Variants in MEGF11 observed in about 807,000 individuals in gnomAD.
MEGF11 encodes the protein multiple EGF like domains 11, also known as multiple epidermal growth factor-like domains protein 11.
A neutral mutation model predicts 146.6 loss-of-function variants in MEGF11; 126 were observed. That is an observed-to-expected ratio of 0.86 (90% CI 0.74 to 1.00). MEGF11 has a LOEUF of 1.00. MEGF11 is among the 50% of genes least tolerant of loss of function. The pLI, the probability that MEGF11 is intolerant of heterozygous loss-of-function variation, is 0.00. For synonymous variants in MEGF11, 532 were observed against 583.4 expected, an observed-to-expected ratio of 0.91 and a Z score of 1.27; for missense variants, 1,509 against 1,521.2, an observed-to-expected ratio of 0.99 and a Z score of 0.13.
intron 24 of MEGF11, 148 bp from the exon 25 acceptor site, chr15:65,899,082 G>A (rs1342342627): frequency 7.1e-5 from 51 of 716,920 alleles, no homozygotes; most frequent in Non-Finnish European, 4.5e-5. Context: ...CTTATTAAAT[G>A]TGCTGAGAAG....
At chr15:66,186,000 G>A (rs1230599100) in intron 1 of MEGF11, among the ~76,000 whole-genome samples, 10 of 152,120 alleles carry the variant, frequency 6.6e-5, no homozygotes, top group Non-Finnish European at 1.2e-4. Context: ...CTGAGGCATC[G>A]GGACCACTTC....
chr15:66,008,841 A>AG (rs1168689513), intron 5 of MEGF11, among the ~76,000 whole-genome samples: 1 of 150,906 alleles, frequency 6.6e-6, no homozygotes, highest in Non-Finnish European at 1.5e-5. Context: ...AAAAAAAAAA[A>AG]TAGTTAAAGG....
At chr15:66,150,446 G>A (rs77659626) in intron 1 of MEGF11, among the ~76,000 whole-genome samples, 12,831 of 152,196 alleles carry the variant, frequency 0.084, 623 homozygotes, top group East Asian at 0.23. Context: ...TCCTTGGAGA[G>A]TAATTAATAT....
At chr15:65,943,813 CA>C (rs1386026543) in intron 10 of MEGF11, among the ~76,000 whole-genome samples, 2 of 151,954 alleles carry the variant, frequency 1.3e-5, no homozygotes, top group African/African-American at 4.8e-5. Flanking sequence ...TGGTACGGGT[CA>C]AAGTCAGGGA....
intron 5 of MEGF11, among the ~76,000 whole-genome samples, chr15:66,018,227 G>A (rs866289531): frequency 6.6e-6 from 1 of 152,328 alleles, no homozygotes; most frequent in South Asian, 2.1e-4. Context: ...CCCCAGCACA[G>A]TTCAGAGTCT....
At chr15:66,056,813 C>T (rs979733353) in intron 5 of MEGF11, among the ~76,000 whole-genome samples, 3 of 152,150 alleles carry the variant, frequency 2.0e-5, no homozygotes, top group African/African-American at 4.8e-5. Flanking sequence ...CTGACAGCGT[C>T]GGATTCATCA....
intron 1 of MEGF11, among the ~76,000 whole-genome samples, chr15:66,171,370 A>T (rs7176702): frequency 6.6e-6 from 1 of 151,952 alleles, no homozygotes; most frequent in South Asian, 2.1e-4. Context: ...CTTGCCTCTA[A>T]GATTCTGGTC....
intron 5 of MEGF11, among the ~76,000 whole-genome samples, chr15:66,023,862 C>A (rs2083241255): frequency 6.6e-6 from 1 of 152,200 alleles, no homozygotes; most frequent in Non-Finnish European, 1.5e-5. Context: ...AGACTTGAGG[C>A]TAGACTGGCA....
chr15:66,153,990 CT>C (rs958366894), intron 1 of MEGF11, among the ~76,000 whole-genome samples: 1 of 152,214 alleles, frequency 6.6e-6, no homozygotes, highest in African/African-American at 2.4e-5. Flanking sequence ...GTATCAACAG[CT>C]GCAGGGGGGC....
At chr15:65,958,100 C>T (rs2080722855) in intron 9 of MEGF11, among the ~76,000 whole-genome samples, 1 of 152,208 alleles carries the variant, frequency 6.6e-6, no homozygotes, top group South Asian at 2.1e-4. Context: ...CTTCATCCAT[C>T]CCTCACCTAA....
chr15:66,020,535 G>A (rs1186854515), intron 5 of MEGF11, among the ~76,000 whole-genome samples: 1 of 152,158 alleles, frequency 6.6e-6, no homozygotes, highest in African/African-American at 2.4e-5. Context: ...GCAATAAAAA[G>A]TATTGTTTAA....
At chr15:66,092,904 C>A (rs939614303) in intron 5 of MEGF11, among the ~76,000 whole-genome samples, 3 of 152,216 alleles carry the variant, frequency 2.0e-5, no homozygotes, top group African/African-American at 7.2e-5. Flanking sequence ...CTCAAAGATT[C>A]CTTGTAAGCC....
chr15:66,089,685 G>A (rs551834729), intron 5 of MEGF11, among the ~76,000 whole-genome samples: 7 of 152,294 alleles, frequency 4.6e-5, no homozygotes, highest in African/African-American at 1.4e-4. Flanking sequence ...GTCCTTCTCC[G>A]TACAGCTGAA....
chr15:66,068,299 C>T lies in MEGF11; in HGVS notation c.394+26103G>A, dbSNP rs373114517. ...AGCTGGATATAGATACAGGGTTTCT[C>T]TGTAGTGGCACTACTGACATTTGAA... On this transcript the variant is annotated intron_variant, in intron 5 of 25. Coordinates refer to ENST00000395614, the MANE Select transcript of MEGF11 (RefSeq NM_001385028.1). Among the ~76,000 whole-genome samples, 4 of 152,284 alleles carry T rather than the reference C, an allele frequency of 2.6e-5. No individual in the cohort carries two copies. In the East Asian group the frequency reaches 5.8e-4, roughly 22 times the overall value.
At chr15:66,230,806 T>C (rs953898166) in intron 1 of MEGF11, among the ~76,000 whole-genome samples, 15 of 152,204 alleles carry the variant, frequency 9.9e-5, no homozygotes, top group African/African-American at 3.6e-4. Flanking sequence ...AAACCCACTC[T>C]AGTATGTAAG....
intron 5 of MEGF11, among the ~76,000 whole-genome samples, chr15:65,991,803 C>T (rs1024005865): frequency 9.2e-5 from 14 of 152,240 alleles, no homozygotes; most frequent in African/African-American, 3.4e-4. Context: ...AACTGGAGAG[C>T]TGCATTTGAA....
chr15:66,011,581 A>T (rs1214292294), intron 5 of MEGF11, among the ~76,000 whole-genome samples: 1 of 151,882 alleles, frequency 6.6e-6, no homozygotes, highest in Non-Finnish European at 1.5e-5. Context: ...AAGTCGCGTA[A>T]CTCCTCTGAG....
At chr15:66,055,294 C>T (rs550116698) in intron 5 of MEGF11, among the ~76,000 whole-genome samples, 25 of 152,314 alleles carry the variant, frequency 1.6e-4, no homozygotes, top group African/African-American at 4.1e-4. Context: ...TATCGAGATT[C>T]GTAGGCCCAG....
intron 1 of MEGF11, among the ~76,000 whole-genome samples, chr15:66,233,951 C>CTTT (rs57240560): frequency 7.5e-5 from 9 of 119,902 alleles, no homozygotes; most frequent in South Asian, 2.7e-4. Flanking sequence ...TTTTCTTTTT[C>CTTT]TTTTTTTTTT....
Sources: gnomAD v4.1 joint callset for allele counts (sites outside exome capture counted in the v4.1 genomes callset) on GRCh38, gnomAD v4.1.1 for gene constraint, MANE v1.5 for transcripts, NCBI Gene and HGNC (gene_info 2026-07-23, HGNC 2026-07-21) for gene names.